The following MIER2 variants were observed in gnomAD, a reference collection of about 807,000 sequenced individuals.
MIER2 encodes mesoderm induction early response protein 2.
MIER2 carries 30 observed loss-of-function variants against 67.6 expected under a neutral mutation model. The observed-to-expected ratio is 0.44, with a 90% CI of 0.33 to 0.60. MIER2 has a LOEUF of 0.60. Ranked by LOEUF, MIER2 falls within the 20% of genes least tolerant of loss-of-function variation. The probability of loss-of-function intolerance (pLI) is 0.02; values close to 1 mark genes in which losing one functional copy is unlikely to be tolerated. For missense variants in MIER2, 702 were observed against 745.1 expected, an observed-to-expected ratio of 0.94 and a Z score of 0.67; for synonymous variants, 372 against 312.6, an observed-to-expected ratio of 1.19 and a Z score of -2.00.
In MIER2 at chr19:306,288, G is replaced by GGGGCA. The variant is rs1970645120; in HGVS notation, c.*397_*401dup. 3 of 241,876 alleles carry GGGGCA rather than the reference G, an allele frequency of 1.2e-5. No individual in the cohort carries two copies. The highest frequency in any genetic ancestry group is 2.4e-5 in the Non-Finnish European group (3 of 125,724). The allele number at this position is 241,876 out of a possible 1,614,324, so 15.0% of individuals were successfully genotyped here. A position where few individuals can be genotyped will look rare whatever the true frequency, so the allele number is the denominator to read the frequency against. ...GCGCCCCGGCGGAGGCTGCTGGTGC[G>GGGGCA]GGGCAGGGCGTCCTGCCCGTCTCCC... is the stretch of plus-strand genomic sequence containing the variant. On this transcript the variant is annotated 3_prime_UTR_variant, in exon 14 of 14. Transcript: ENST00000264819.
chr19:312,365 C>T (rs1413369808), intron 8 of MIER2, 93 bp from the exon 9 acceptor site: 17 of 1,231,432 alleles, frequency 1.4e-5, no homozygotes, highest in African/African-American at 1.4e-4. Flanking sequence ...CATCAGGGGC[C>T]GTCCACACCA....
At chr19:318,298 A>G (rs770641991) in intron 7 of MIER2, among the ~76,000 whole-genome samples, 2 of 152,214 alleles carry the variant, frequency 1.3e-5, no homozygotes, top group Non-Finnish European at 2.9e-5. Flanking sequence ...ACAAATCAAC[A>G]AAAAGCTGCT....
At chr19:326,448 G>A in intron 6 of MIER2, 59 bp downstream of exon 6, 6 of 1,487,246 alleles carry the variant, frequency 4.0e-6, no homozygotes, top group Non-Finnish European at 5.6e-6. Context: ...ATGCCAGGTT[G>A]GGGAGACGGC....
At position 312,232 on chromosome 19, in the gene MIER2, T is replaced by G. The variant is rs1600117929; in HGVS notation, c.848A>C (p.Glu283Ala). 1.2e-6 allele frequency: 2 copies of G among 1,613,958 alleles called. No homozygotes were observed. The highest frequency in any genetic ancestry group is 1.7e-6 in the Non-Finnish European group (2 of 1,179,886). The change falls in exon 9 of 14, where the codon GAG becomes GCG. Residue 283 changes from glutamate to alanine, a missense_variant. Coordinates refer to ENST00000264819, the MANE Select transcript of MIER2 (RefSeq NM_017550.3). ...ELVKCNFNVE[E>A]ALRRLRFNVK... ...GTTGAACCGCAGCCTTCGCAGGGCCTCCTCCACATTGAAGTTGCATTTCAC... is the reference window on the plus strand; with the variant it reads ...GTTGAACCGCAGCCTTCGCAGGGCCGCCTCCACATTGAAGTTGCATTTCAC...
chr19:310,160 C>A (rs140812015), intron 10 of MIER2, among the ~76,000 whole-genome samples: 1 of 152,226 alleles, frequency 6.6e-6, no homozygotes, highest in African/African-American at 2.4e-5. Flanking sequence ...CATCTCCACC[C>A]GGGAGGCTCA....
chr19:336,845 ATCTC>A (rs759217720), intron 1 of MIER2, among the ~76,000 whole-genome samples: 1 of 152,078 alleles, frequency 6.6e-6, no homozygotes, highest in Non-Finnish European at 1.5e-5. Flanking sequence ...AATGTTCAAT[ATCTC>A]TCTTTTTTTT....
chr19:315,091 G>A (rs894607330), intron 7 of MIER2, among the ~76,000 whole-genome samples: 12 of 151,984 alleles, frequency 7.9e-5, no homozygotes, highest in African/African-American at 2.7e-4. Context: ...AAGGCCAGGC[G>A]TGGTGGCTCA....
At chr19:334,641 C>T in intron 2 of MIER2, 99 bp from the exon 3 acceptor site, 2 of 1,470,750 alleles carry the variant, frequency 1.4e-6, no homozygotes, top group Non-Finnish European at 1.8e-6. Flanking sequence ...AGGATGAGGC[C>T]CTCTGCATGC....
intron 10 of MIER2, among the ~76,000 whole-genome samples, chr19:310,047 C>A (rs1049319801): frequency 1.4e-5 from 2 of 138,462 alleles, no homozygotes; most frequent in Non-Finnish European, 3.1e-5. Context: ...GACACACACA[C>A]ACACGCACAC....
At chr19:320,237 G>A (rs554696377) in intron 7 of MIER2, among the ~76,000 whole-genome samples, 10 of 151,672 alleles carry the variant, frequency 6.6e-5, no homozygotes, top group East Asian at 1.9e-4. Context: ...AAAATTAGCC[G>A]GCGTGCAGTG....
chr19:331,438 T>A (rs1030841151), intron 3 of MIER2, among the ~76,000 whole-genome samples: 1 of 149,602 alleles, frequency 6.7e-6, no homozygotes, highest in East Asian at 2.0e-4. Context: ...GAGACCTAGG[T>A]AGAAAAATTG....
intron 3 of MIER2, 102 bp from the exon 4 acceptor site, chr19:328,091 T>C: frequency 4.0e-6 from 6 of 1,509,418 alleles, no homozygotes; most frequent in Non-Finnish European, 5.4e-6. Context: ...CCAGGGCCAC[T>C]CTGTCACACC....
chr19:317,584 G>A (rs576712362), intron 7 of MIER2, among the ~76,000 whole-genome samples: 1 of 141,698 alleles, frequency 7.1e-6, no homozygotes, highest in East Asian at 2.3e-4. Flanking sequence ...TACAAAATTA[G>A]CCAGGCATGG....
intron 3 of MIER2, among the ~76,000 whole-genome samples, chr19:329,001 T>C (rs1600157499): frequency 6.6e-6 from 1 of 152,300 alleles, no homozygotes; most frequent in South Asian, 2.1e-4. Context: ...CAGTGCTGCT[T>C]TCAAATCCTT....
rs374100784 is a variant in MIER2, at chr19:306,449, G to A, written c.*241C>T. On this transcript the variant is annotated 3_prime_UTR_variant, in exon 14 of 14. Coordinates refer to ENST00000264819, the MANE Select transcript of MIER2 (RefSeq NM_017550.3). ...GATCCCACGTGCAGGCAGCGGCCCG[G>A]ACCCGGGTGGCAGTGCCGGGCGCTG... 6 of 611,378 alleles carry A rather than the reference G, an allele frequency of 9.8e-6. No individual in the cohort carries two copies. The highest frequency in any genetic ancestry group is 1.1e-5 in the Non-Finnish European group (4 of 349,228). The allele number at this position is 611,378 out of a possible 1,614,324, so 37.9% of individuals were successfully genotyped here.
chr19:310,772 T>C (rs866658509), intron 10 of MIER2, among the ~76,000 whole-genome samples: 5 of 128,840 alleles, frequency 3.9e-5, no homozygotes, highest in African/African-American at 9.8e-5. Flanking sequence ...ACGGAGTCCA[T>C]AGAAACACGG....
chr19:327,224 T>C lies in MIER2; in HGVS notation c.402A>G (p.Glu134=). The change falls in exon 5 of 14, where the codon GAA becomes GAG. Residue 134 remains glutamate, a synonymous_variant. Coordinates refer to ENST00000264819, the MANE Select transcript of MIER2 (RefSeq NM_017550.3). ...CAGATGATTGCGTCTCTTCCTCTTC[T>C]TCCCCTGAAAGCAAATCCTTCGCTA... The part of the protein sequence containing the change: ...EQIAKDLLSG[E]EEEETQSSAD... The C allele has an allele frequency of 6.3e-7, 1 of 1,585,582 alleles. No homozygotes were observed. The highest frequency in any genetic ancestry group is 8.5e-7 in the Non-Finnish European group (1 of 1,171,814).
chr19:308,632 G>T lies in MIER2; in HGVS notation c.1143C>A (p.Pro381=). ...DADQDLDGSD[P]DGPGRPRPEQ... is the part of the protein sequence containing the mutation. The stretch of plus-strand genomic sequence containing the variant: ...CCGGGCGCGGACGGCCGGGGCCATC[G>T]GGGTCGCTGCCATCCAGGTCCTGGT... Residue 381 remains proline (P), a synonymous_variant, in exon 12 of 14, where the codon CCC becomes CCA. Transcript: ENST00000264819. The surrounding 1 kb of genome is among the most constrained non-coding windows in gnomAD (Gnocchi z 9.1). 1 of 1,606,238 alleles carries T rather than the reference G, an allele frequency of 6.2e-7. No individual in the cohort carries two copies. Among genetic ancestry groups the T allele is most frequent in the East Asian group, 2.2e-5 (1 of 44,596 alleles).
chr19:325,536 G>A, intron 7 of MIER2, 99 bp downstream of exon 7: 3 of 1,380,356 alleles, frequency 2.2e-6, no homozygotes, highest in Middle Eastern at 1.8e-4. Flanking sequence ...GAGCGATGCG[G>A]GGCGGGGACC....
Sources: allele counts gnomAD v4.1 joint callset (sites outside exome capture counted in the v4.1 genomes callset), GRCh38; gene constraint gnomAD v4.1.1; non-coding constraint Gnocchi (gnomAD v3.1); transcripts MANE v1.5; gene names NCBI Gene and HGNC (gene_info 2026-07-23, HGNC 2026-07-21).